The following TNRC18 variants were observed in gnomAD, a reference collection of about 807,000 sequenced individuals.
TNRC18 encodes trinucleotide repeat-containing gene 18 protein.
TNRC18 carries 69 observed loss-of-function variants against 226.7 expected under a neutral mutation model. The ratio of observed to expected loss-of-function variants is 0.30; its 90% CI spans 0.25 to 0.37. The LOEUF is 0.37. Ranked by LOEUF, TNRC18 falls within the 10% of genes least tolerant of loss-of-function variation. The probability of loss-of-function intolerance (pLI) is 1.00; values close to 1 mark genes in which losing one functional copy is unlikely to be tolerated. For missense variants in TNRC18, 4,754 were observed against 4,256.6 expected (o/e 1.12, Z -3.25); for synonymous variants, 2,449 against 1,927.6 (o/e 1.27, Z -7.09).
rs752838181 is a variant in TNRC18, at chr7:5,313,451, G to A, written c.7440C>T (p.Ala2480=). The A allele has an allele frequency of 3.0e-5, 49 of 1,612,324 alleles. No individual in the cohort carries two copies. Among genetic ancestry groups the A allele is most frequent in the Non-Finnish European group, 4.0e-5 (47 of 1,179,340 alleles). The change falls in exon 27 of 30, where the codon GCC becomes GCT. Residue 2480 remains alanine (A), a synonymous_variant. Transcript: ENST00000430969. ...TSPKSKKAKE[A]LLLREDPGAG... is the part of the protein sequence containing the mutation. Reference sequence around the variant, plus strand: ...CCCCCGGATCCTCCCGGAGCAGCAGGGCCTCTTTAGCCTTCTTGCTTTTGG... The same window carrying A: ...CCCCCGGATCCTCCCGGAGCAGCAGAGCCTCTTTAGCCTTCTTGCTTTTGG...
Position 5,377,146 on chromosome 7 carries a change from G to C in TNRC18, c.2462-153C>G, listed in dbSNP as rs577517831. On this transcript the variant is annotated intron_variant, in intron 7 of 29. Coordinates refer to ENST00000430969, the MANE Select transcript of TNRC18 (RefSeq NM_001080495.3). This position sits in a 1 kb window ranked among gnomAD's most constrained non-coding sequence, Gnocchi z 5.8. ...GACAGGGGTGCTGGCTGGCTGCAAAGAGCACCCCAGAGCCACCCGCATTGG... is the reference window on the plus strand; with the variant it reads ...GACAGGGGTGCTGGCTGGCTGCAAACAGCACCCCAGAGCCACCCGCATTGG... 1.9e-4 allele frequency among the ~76,000 whole-genome samples: 29 copies of C among 152,328 alleles called. No individual in the cohort carries two copies. In the East Asian group the frequency reaches 5.6e-3, roughly 29 times the overall value.
At chr7:5,339,926 G>A (rs543243991) in intron 18 of TNRC18, among the ~76,000 whole-genome samples, 7 of 151,434 alleles carry the variant, frequency 4.6e-5, no homozygotes, top group African/African-American at 1.5e-4. Flanking sequence ...TGACTGCTCC[G>A]CCAACCGGCC....
At chr7:5,380,474 A>G (rs911108620) in intron 5 of TNRC18, among the ~76,000 whole-genome samples, 3 of 152,226 alleles carry the variant, frequency 2.0e-5, no homozygotes, top group African/African-American at 7.2e-5. Flanking sequence ...CACCAGTCCC[A>G]GAAGCAGAAG....
intron 17 of TNRC18, among the ~76,000 whole-genome samples, chr7:5,347,887 G>A (rs937012203): frequency 1.3e-5 from 2 of 151,558 alleles, no homozygotes; most frequent in Admixed American, 6.6e-5. Flanking sequence ...CCCCGGAGGC[G>A]GAGGTTACAG....
chr7:5,377,503 G>A lies in TNRC18; in HGVS notation c.2329C>T (p.Leu777Phe). ...AGCGCCGGGCCCCCCGTCACCATGA[G>A]GTTGGGGTTCAGGCCGTTAGGAGCA... ...SCAPNGLNPN[L>F]MVTGGPALAG... The change falls in exon 7 of 30, where the codon CTC (leucine) becomes TTC (phenylalanine). Residue 777 changes from leucine (L) to phenylalanine (F), a missense_variant. By Grantham distance (22) the Leu-to-Phe change is conservative. Coordinates refer to ENST00000430969, the MANE Select transcript of TNRC18 (RefSeq NM_001080495.3). The surrounding 1 kb of genome is among the most constrained non-coding windows in gnomAD (Gnocchi z 5.8). 4 of 1,586,732 alleles carry A rather than the reference G, an allele frequency of 2.5e-6. No individual in the cohort carries two copies. The highest frequency in any genetic ancestry group is 3.4e-6 in the Non-Finnish European group (4 of 1,167,210).
At position 5,313,337 on chromosome 7, in the gene TNRC18, G is replaced by C. The variant is rs756184335; in HGVS notation, c.7554C>G (p.Pro2518=). ...AGSSEPKAPW[P]KATDGDLAQE... is the part of the protein sequence containing the mutation. The stretch of plus-strand genomic sequence containing the variant: ...GGGCGAGGTCCCCGTCGGTGGCCTT[G>C]GGCCAGGGTGCCTTGGGCTCGCTGC... Residue 2518 remains proline, a synonymous_variant, in exon 27 of 30, where the codon CCC becomes CCG. Transcript: ENST00000430969. 1.3e-6 allele frequency: 2 copies of C among 1,556,024 alleles called. No homozygotes were observed. The highest frequency in any genetic ancestry group is 1.2e-5 in the South Asian group (1 of 84,724).
At chr7:5,345,275 TC>T (rs1283150768) in intron 18 of TNRC18, among the ~76,000 whole-genome samples, 3 of 152,174 alleles carry the variant, frequency 2.0e-5, no homozygotes, top group Non-Finnish European at 4.4e-5. Flanking sequence ...TCCATGGAGC[TC>T]CCGCAGCCCC....
intron 18 of TNRC18, among the ~76,000 whole-genome samples, chr7:5,338,016 C>T (rs1353355425): frequency 6.6e-6 from 1 of 151,968 alleles, no homozygotes; most frequent in African/African-American, 2.4e-5. Context: ...AAGTTTGTAA[C>T]ATTGTCTTTA....
At position 5,388,773 on chromosome 7, in the gene TNRC18, C is replaced by T. The variant is rs1043804233; in HGVS notation, c.1051G>A (p.Ala351Thr). ...ACGGTGTAGACGCCGGCGGGGGTGG[C>T]CGCGGGGGGTGCAGGAGGCCCCTTG... ...PPKGPPAPPA[A>T]TPAGVYTVFR... The change falls in exon 5 of 30, where the codon GCC (alanine) becomes ACC (threonine). Residue 351 changes from alanine to threonine, a missense_variant. By Grantham distance (58) the Ala-to-Thr change is moderately conservative (BLOSUM62 0). Coordinates refer to ENST00000430969, the MANE Select transcript of TNRC18 (RefSeq NM_001080495.3). 4 of 1,224,044 alleles carry T rather than the reference C, an allele frequency of 3.3e-6. No individual in the cohort carries two copies. The highest frequency in any genetic ancestry group is 2.0e-6 in the Non-Finnish European group (2 of 980,744). The allele number at this position is 1,224,044 out of a possible 1,614,324, so 75.8% of individuals were successfully genotyped here.
chr7:5,368,264 CG>C (rs1793804327), intron 11 of TNRC18, among the ~76,000 whole-genome samples: 1 of 150,644 alleles, frequency 6.6e-6, no homozygotes, highest in African/African-American at 2.4e-5. Flanking sequence ...TTCAAGAGTT[CG>C]CGACCAGCCT....
chr7:5,375,680 G>A (rs1415182418), intron 9 of TNRC18, among the ~76,000 whole-genome samples: 2 of 152,112 alleles, frequency 1.3e-5, no homozygotes, highest in Non-Finnish European at 2.9e-5. Flanking sequence ...GAGAGAAGAG[G>A]CCAGGCTGGG....
chr7:5,366,587 G>A (rs1793648936), intron 11 of TNRC18, among the ~76,000 whole-genome samples: 1 of 152,126 alleles, frequency 6.6e-6, no homozygotes. Context: ...GCCTCCCAAA[G>A]TGCTGGGATT....
In TNRC18 at chr7:5,327,399, G is replaced by C. The variant is rs79129914; in HGVS notation, c.6148-2151C>G. Among the ~76,000 whole-genome samples the C allele has an allele frequency of 7.2e-3, 988 of 138,156 alleles. 9 individuals are homozygous for C. The highest frequency in any genetic ancestry group is 0.034 in the East Asian group (168 of 4,944). The allele number at this position is 138,156 out of a possible 152,430, so 90.6% of individuals were successfully genotyped here. A position where few individuals can be genotyped will look rare whatever the true frequency, so the allele number is the denominator to read the frequency against. ...TGTGTGTGTGTGTGTGTGTGTGTGTGTGTGTGTGTGTGTCTGTGTGTTTTA... is the reference window on the plus strand; with the variant it reads ...TGTGTGTGTGTGTGTGTGTGTGTGTCTGTGTGTGTGTGTCTGTGTGTTTTA... On this transcript the variant is annotated intron_variant, in intron 19 of 29. Coordinates refer to ENST00000430969, the MANE Select transcript of TNRC18 (RefSeq NM_001080495.3).
Position 5,374,459 on chromosome 7 carries a change from T to TGCTCCTGCGCCTTCAACC in TNRC18, c.2807_2824dup (p.Arg936_Glu941dup). 1 of 1,546,730 alleles carries TGCTCCTGCGCCTTCAACC rather than the reference T, an allele frequency of 6.5e-7. No individual in the cohort carries two copies. Among genetic ancestry groups the TGCTCCTGCGCCTTCAACC allele is most frequent in the Non-Finnish European group, 8.7e-7 (1 of 1,145,508 alleles). On this transcript the variant is annotated inframe_insertion, in exon 10 of 30. Transcript: ENST00000430969. The stretch of plus-strand genomic sequence containing the variant: ...CCCCTTCTCTTCCATCTCCGCCCGG[T>TGCTCCTGCGCCTTCAACC]GCTCCTGCGCCTTCAACCGCTCCTG...
At chr7:5,343,733 C>A (rs1244380006) in intron 18 of TNRC18, among the ~76,000 whole-genome samples, 2 of 152,186 alleles carry the variant, frequency 1.3e-5, no homozygotes, top group Non-Finnish European at 2.9e-5. Flanking sequence ...GGCCAATAAT[C>A]TATTTTTTAA....
At chr7:5,345,942 G>T in intron 17 of TNRC18, 132 bp from the exon 18 acceptor site, 11 of 1,310,662 alleles carry the variant, frequency 8.4e-6, no homozygotes, top group Non-Finnish European at 1.1e-5. Context: ...GCCGCTGGGG[G>T]TGGATGCAGA....
At position 5,307,826 on chromosome 7, in the gene TNRC18, C is replaced by A; in HGVS notation, c.*280G>T. On this transcript the variant is annotated 3_prime_UTR_variant, in exon 30 of 30. Coordinates refer to ENST00000430969, the MANE Select transcript of TNRC18 (RefSeq NM_001080495.3). ...GGCCAAGTGCTTGCAACGTGCTGGG[C>A]AGGAAGGGCCGGTCCGGCCATACCC... The A allele has an allele frequency of 2.0e-6, 1 of 495,036 alleles. No individual in the cohort carries two copies. The highest frequency in any genetic ancestry group is 3.7e-6 in the Non-Finnish European group (1 of 269,768). The allele number at this position is 495,036 out of a possible 1,614,324, so 30.7% of individuals were successfully genotyped here. A position where few individuals can be genotyped will look rare whatever the true frequency, so the allele number is the denominator to read the frequency against.
rs1392179480 is a variant in TNRC18 at position 5,313,852 on chromosome 7, T to TA, written c.7038dup (p.Thr2347TyrfsTer132). 1 of 1,481,370 alleles carries TA rather than the reference T, an allele frequency of 6.8e-7. No homozygotes were observed. Among genetic ancestry groups the TA allele is most frequent in the Non-Finnish European group, 9.0e-7 (1 of 1,115,722 alleles). The allele number at this position is 1,481,370 out of a possible 1,614,324, so 91.8% of individuals were successfully genotyped here. ...TCTGTTGGGTTCCCCTCCTCCAGGG[T>TA]AGCGGCTCTGTCTGCAAAACAAAAC... is the stretch of plus-strand genomic sequence containing the variant. On this transcript the variant is annotated frameshift_variant, in exon 27 of 30. Coordinates refer to ENST00000430969, the MANE Select transcript of TNRC18 (RefSeq NM_001080495.3). LOFTEE classifies it high-confidence loss of function.
At chr7:5,376,710 T>C (rs1562576695) in intron 8 of TNRC18, 137 bp downstream of exon 8, 6 of 1,037,384 alleles carry the variant, frequency 5.8e-6, no homozygotes, top group African/African-American at 1.6e-5. Context: ...ACAGATGTTC[T>C]CTCTGAACCC....
Sources: gnomAD v4.1 joint callset for allele counts (sites outside exome capture counted in the v4.1 genomes callset) on GRCh38, gnomAD v4.1.1 for gene constraint, Gnocchi (gnomAD v3.1) non-coding constraint, MANE v1.5 for transcripts, NCBI Gene and HGNC (gene_info 2026-07-23, HGNC 2026-07-21) for gene names.